Variants in DTX1 observed in about 807,000 individuals in gnomAD.
The protein encoded by DTX1 is deltex E3 ubiquitin ligase 1.
A neutral mutation model predicts 57.8 loss-of-function variants in DTX1; 26 were observed. The ratio of observed to expected loss-of-function variants is 0.45; its 90% CI spans 0.33 to 0.62. DTX1 has a LOEUF of 0.62. DTX1 is among the 20% of genes least tolerant of loss of function. The pLI is 0.02. For missense variants in DTX1, 704 were observed against 895.3 expected (o/e 0.79, Z 2.73); for synonymous variants, 398 against 394.1 (o/e 1.01, Z -0.12).
At chr12:113,060,122 C>T (rs2044655509) in intron 2 of DTX1, among the ~76,000 whole-genome samples, 2 of 152,190 alleles carry the variant, frequency 1.3e-5, no homozygotes, top group South Asian at 2.1e-4. Context: ...TAACAAATGG[C>T]TTATTGATGG....
chr12:113,078,120 A>T lies in DTX1; in HGVS notation c.941+15A>T, dbSNP rs146418824. On this transcript the variant is annotated intron_variant, in intron 3 of 9. Transcript: ENST00000548759. ...ATCCCGCCGGGGTAAGACGGGGCCC[A>T]GGGGGAGGGGGCCTCTGCGTCGTCC... 1 of 825,872 alleles carries T rather than the reference A, an allele frequency of 1.2e-6. No individual in the cohort carries two copies. Among genetic ancestry groups the T allele is most frequent in the Non-Finnish European group, 1.7e-6 (1 of 604,356 alleles). 51.2% of individuals were successfully genotyped at this position (825,872 alleles called of 1,614,324 possible). A position where few individuals can be genotyped will look rare whatever the true frequency, so the allele number is the denominator to read the frequency against.
chr12:113,058,075 G>A lies in DTX1; in HGVS notation c.-118G>A, dbSNP rs374650291. ...TCAGAGAGAACCCAGAGTTAGAAAG[G>A]AGGCCAGACGGTCCTTGCTGTCCCC... On this transcript the variant is annotated 5_prime_UTR_variant, in exon 2 of 10. Transcript: ENST00000548759. 1 of 1,421,976 alleles carries A rather than the reference G, an allele frequency of 7.0e-7. No individual in the cohort carries two copies. The highest frequency in any genetic ancestry group is 9.2e-7 in the Non-Finnish European group (1 of 1,084,804). The allele number at this position is 1,421,976 out of a possible 1,614,324, so 88.1% of individuals were successfully genotyped here.
chr12:113,077,876 C>T lies in DTX1; in HGVS notation c.712C>T (p.Pro238Ser), dbSNP rs1399183845. 1 of 1,298,750 alleles carries T rather than the reference C, an allele frequency of 7.7e-7. No individual in the cohort carries two copies. Among genetic ancestry groups the T allele is most frequent in the African/African-American group, 1.6e-5 (1 of 63,676 alleles). 80.5% of individuals were successfully genotyped at this position (1,298,750 alleles called of 1,614,324 possible). The change falls in exon 3 of 10, where the codon CCT becomes TCT. Residue 238 changes from proline to serine, a missense_variant. This residue lies in a region of DTX1 where 299 missense variants were observed against 311.2 expected (regional missense o/e 0.96). Transcript: ENST00000548759. The surrounding 1 kb of genome is among the most constrained non-coding windows in gnomAD (Gnocchi z 7.8). ...PAPPLPPPPP[P>S]GGPPGALAVR... ...GCCCCCGCTGCCGCCGCCGCCGCCACCTGGAGGGCCTCCAGGCGCGCTTGC... is the reference window on the plus strand; with the variant it reads ...GCCCCCGCTGCCGCCGCCGCCGCCATCTGGAGGGCCTCCAGGCGCGCTTGC...
chr12:113,096,109 G>A (rs1950288052), intron 9 of DTX1, among the ~76,000 whole-genome samples: 1 of 152,082 alleles, frequency 6.6e-6, no homozygotes, highest in Non-Finnish European at 1.5e-5. Context: ...GGAGGCTGAG[G>A]CAGGAGAATT....
At chr12:113,078,200 A>G in intron 3 of DTX1, 95 bp downstream of exon 3, 2 of 951,890 alleles carry the variant, frequency 2.1e-6, no homozygotes, top group East Asian at 5.1e-5. Flanking sequence ...AGCAAAGATT[A>G]CAATAATAAT....
chr12:113,074,622 G>C (rs1333732578), intron 2 of DTX1, among the ~76,000 whole-genome samples: 1 of 152,230 alleles, frequency 6.6e-6, no homozygotes, highest in African/African-American at 2.4e-5. Context: ...TTGAGCAGAG[G>C]AAAGATGTGA....
chr12:113,067,234 C>T (rs528964122), intron 2 of DTX1, among the ~76,000 whole-genome samples: 151 of 151,998 alleles, frequency 9.9e-4, no homozygotes, highest in Middle Eastern at 3.4e-3. Flanking sequence ...AAGCAGAGCA[C>T]GGTAAGAGGA....
intron 2 of DTX1, among the ~76,000 whole-genome samples, chr12:113,076,022 A>C (rs2044769023): frequency 6.6e-6 from 1 of 151,326 alleles, no homozygotes; most frequent in Non-Finnish European, 1.5e-5. Flanking sequence ...CTGAGGGAGA[A>C]AATGGAGCGG....
intron 2 of DTX1, among the ~76,000 whole-genome samples, chr12:113,070,030 A>G (rs2136427252): frequency 6.6e-6 from 1 of 152,222 alleles, no homozygotes; most frequent in Non-Finnish European, 1.5e-5. Flanking sequence ...GGGAACAGCA[A>G]ATGAAGCAAG....
intron 3 of DTX1, among the ~76,000 whole-genome samples, chr12:113,086,647 T>C (rs1464421958): frequency 6.6e-6 from 1 of 152,022 alleles, no homozygotes; most frequent in African/African-American, 2.4e-5. Context: ...TTTTCCTTCC[T>C]TTTTTTTCCT....
At position 113,082,425 on chromosome 12, in the gene DTX1, G is replaced by A. The variant is rs554623529; in HGVS notation, c.941+4320G>A. Among the ~76,000 whole-genome samples, 10 of 152,260 alleles carry A rather than the reference G, an allele frequency of 6.6e-5. No homozygotes were observed. In the East Asian group the frequency reaches 1.5e-3, roughly 23 times the overall value. On this transcript the variant is annotated intron_variant, in intron 3 of 9. Coordinates refer to ENST00000548759, the MANE Select transcript of DTX1 (RefSeq NM_004416.3). ...GGGGTGGCAGACCCTGGCTTCTTCC[G>A]CCTAAAGCTTTCCATTGCTGAGACA... is the stretch of plus-strand genomic sequence containing the variant.
At chr12:113,058,556 C>G in intron 2 of DTX1, 105 bp downstream of exon 2, 1 of 1,505,872 alleles carries the variant, frequency 6.6e-7, no homozygotes, top group South Asian at 1.3e-5. Context: ...AAATCCCTTC[C>G]CCATCTCCCT....
At position 113,093,671 on chromosome 12, in the gene DTX1, G is replaced by A. The variant is rs962387179; in HGVS notation, c.1136G>A (p.Arg379His). 3 of 1,613,708 alleles carry A rather than the reference G, an allele frequency of 1.9e-6. No homozygotes were observed. Among genetic ancestry groups the A allele is most frequent in the East Asian group, 2.2e-5 (1 of 44,878 alleles). ...KPVPGVPGVC[R>H]KTKKKHLKKS... ...GTGCCTGGCGTGCCCGGGGTGTGCC[G>A]CAAGACCAAGAAGAAGCACCTTAAA... is the stretch of plus-strand genomic sequence containing the variant. Residue 379 changes from arginine to histidine, a missense_variant, in exon 5 of 10, where the codon CGC becomes CAC. Coordinates refer to ENST00000548759, the MANE Select transcript of DTX1 (RefSeq NM_004416.3). The surrounding 1 kb of genome is among the most constrained non-coding windows in gnomAD (Gnocchi z 4.2).
rs1476381933 is a variant in DTX1 at position 113,078,099 on chromosome 12, C to T, written c.935C>T (p.Pro312Leu). 2.2e-6 allele frequency: 3 copies of T among 1,385,740 alleles called. No individual in the cohort carries two copies. The highest frequency in any genetic ancestry group is 1.5e-5 in the South Asian group (1 of 64,624). The allele number at this position is 1,385,740 out of a possible 1,614,324, so 85.8% of individuals were successfully genotyped here. ...AGCGTGAGCGCGCGCGCCTCCATCC[C>T]GCCGGGGTAAGACGGGGCCCAGGGG... is the stretch of plus-strand genomic sequence containing the variant. ...TTSVSARASI[P>L]PGVPALPVKN... Residue 312 changes from proline (P) to leucine (L), a missense_variant, in exon 3 of 10, where the codon CCG becomes CTG. Around this residue, in one of 3 missense-constraint regions of DTX1, gnomAD observed 299 missense variants for 311.2 expected, o/e 0.96. Transcript: ENST00000548759.
intron 2 of DTX1, among the ~76,000 whole-genome samples, chr12:113,072,057 G>A (rs1220613325): frequency 2.6e-5 from 4 of 152,192 alleles, no homozygotes; most frequent in African/African-American, 9.7e-5. Flanking sequence ...CTCCTGGCCT[G>A]AGGGTCCTCC....
chr12:113,094,864 C>T lies in DTX1; in HGVS notation c.1303C>T (p.Pro435Ser). ...EGVLRHKGVR[P>S]ELVGRLGRCG... ...CGTGCTTCGGCACAAGGGCGTGCGG[C>T]CTGAGCTCGTGGGCCGCCTGGGCCG... The change falls in exon 7 of 10, where the codon CCT becomes TCT. Residue 435 changes from proline to serine, a missense_variant. Physicochemically the swap from Pro to Ser is moderately conservative, Grantham distance 74. Transcript: ENST00000548759. The T allele has an allele frequency of 6.2e-7, 1 of 1,613,756 alleles. No homozygotes were observed. Among genetic ancestry groups the T allele is most frequent in the Non-Finnish European group, 8.5e-7 (1 of 1,180,010 alleles).
chr12:113,080,181 A>T (rs2044806574), intron 3 of DTX1, among the ~76,000 whole-genome samples: 1 of 152,238 alleles, frequency 6.6e-6, no homozygotes, highest in Non-Finnish European at 1.5e-5. Context: ...ATGTGACCTC[A>T]GCCTAGGGCA....
chr12:113,077,402 C>T lies in DTX1; in HGVS notation c.260-22C>T, dbSNP rs755607511. ...AGACCAACGCCCGCTGTGCTGACGC[C>T]TCCTCCCCATTTCGAGTACAGGCAC... On this transcript the variant is annotated intron_variant, in intron 2 of 9. Coordinates refer to ENST00000548759, the MANE Select transcript of DTX1 (RefSeq NM_004416.3). The surrounding 1 kb of genome is among the most constrained non-coding windows in gnomAD (Gnocchi z 7.8). The T allele has an allele frequency of 1.4e-5, 22 of 1,582,760 alleles. No homozygotes were observed. Among genetic ancestry groups the T allele is most frequent in the Non-Finnish European group, 1.6e-5 (19 of 1,169,556 alleles).
rs12427377 is a variant in DTX1, at chr12:113,094,812, A to G, written c.1251A>G (p.Arg417=). The G allele has an allele frequency of 0.14, 224,603 of 1,613,606 alleles. 17,180 individuals carry two copies. Among genetic ancestry groups the G allele is most frequent in the Middle Eastern group, 0.17 (1,003 of 6,040 alleles). The change falls in exon 7 of 10, where the codon CGA becomes CGG. Residue 417 remains arginine (R), a synonymous_variant. Coordinates refer to ENST00000548759, the MANE Select transcript of DTX1 (RefSeq NM_004416.3). ...AGGACTGCACCATCTGCATGGAGCG[A>G]CTGGTCACAGCATCAGGCTACGAGG... is the stretch of plus-strand genomic sequence containing the variant. The part of the protein sequence containing the change: ...PDEDCTICME[R]LVTASGYEGV...
Sources: allele counts gnomAD v4.1 joint callset (sites outside exome capture counted in the v4.1 genomes callset), GRCh38; gene constraint gnomAD v4.1.1; regional missense constraint gnomAD v4.1.1; non-coding constraint Gnocchi (gnomAD v3.1); transcripts MANE v1.5; gene names NCBI Gene and HGNC (gene_info 2026-07-23, HGNC 2026-07-21).